Variants in SPEF2 observed in about 807,000 individuals in gnomAD.
SPEF2 encodes the protein sperm flagellar and cilia associated 2, also known as sperm flagella and cilia-associated protein 2.
Under a neutral mutation model 224.6 loss-of-function variants are expected in SPEF2, and 187 were observed. The ratio of observed to expected loss-of-function variants is 0.83; its 90% CI spans 0.74 to 0.94. The LOEUF (loss-of-function observed/expected upper bound fraction) is 0.94, where lower values mean the gene tolerates loss of function less well. SPEF2 is among the 40% of genes least tolerant of loss of function. SPEF2 has a pLI of 0.00. For missense variants in SPEF2, 2,170 were observed against 2,135.6 expected (o/e 1.02, Z -0.32); for synonymous variants, 715 against 707.3 (o/e 1.01, Z -0.17).
chr5:35,720,787 T>C (rs1319177070), intron 20 of SPEF2, among the ~76,000 whole-genome samples: 1 of 152,182 alleles, frequency 6.6e-6, no homozygotes, highest in South Asian at 2.1e-4. Context: ...TACCTAAACC[T>C]GTCAAACAAT....
At chr5:35,712,983 C>A in intron 20 of SPEF2, 97 bp downstream of exon 20, 1 of 1,060,558 alleles carries the variant, frequency 9.4e-7, no homozygotes, top group Non-Finnish European at 1.4e-6. Flanking sequence ...ATACATTGAC[C>A]ACTTCTCTCA....
chr5:35,761,393 C>A (rs1270825654), intron 25 of SPEF2, among the ~76,000 whole-genome samples: 3 of 152,094 alleles, frequency 2.0e-5, no homozygotes, highest in Non-Finnish European at 2.9e-5. Flanking sequence ...GAGATTGAGT[C>A]CCAATAATGC....
chr5:35,707,871 GTCTA>G, intron 18 of SPEF2, among the ~76,000 whole-genome samples: 2 of 152,236 alleles, frequency 1.3e-5, no homozygotes, highest in Middle Eastern at 3.4e-3. Flanking sequence ...CACCCTGGCA[GTCTA>G]TCTAAAACTT....
rs370440105 is a variant in SPEF2 at position 35,657,489 on chromosome 5, C to CG, written c.979-1523dup. Among the ~76,000 whole-genome samples, 1,362 of 151,536 alleles carry CG rather than the reference C, an allele frequency of 9.0e-3. 18 individuals carry two copies. Among genetic ancestry groups the CG allele is most frequent in the African/African-American group, 0.032 (1,320 of 41,246 alleles). ...GGTGTCACTGGGTATGGAATGGAAT[C>CG]GGGGGGGTGGTTTAAAAACATACCT... On this transcript the variant is annotated intron_variant, in intron 7 of 36. Transcript: ENST00000356031.
Position 35,776,279 on chromosome 5 carries a change from T to C in SPEF2, c.4101T>C (p.Leu1367=), listed in dbSNP as rs1380276546. The change falls in exon 29 of 37, where the codon CTT becomes CTC. Residue 1367 remains leucine (L), a synonymous_variant. Coordinates refer to ENST00000356031, the MANE Select transcript of SPEF2 (RefSeq NM_024867.4). ...QFEEIATQFR[L]ELIKTKALAL... ...TAGAAATAGCCACGCAATTTCGACTTGAACTGATAAAGACAAAAGCATTGG... is the reference window on the plus strand; with the variant it reads ...TAGAAATAGCCACGCAATTTCGACTCGAACTGATAAAGACAAAAGCATTGG... The C allele has an allele frequency of 6.2e-7, 1 of 1,609,876 alleles. No homozygotes were observed. Among genetic ancestry groups the C allele is most frequent in the Admixed American group, 1.7e-5 (1 of 58,718 alleles).
intron 30 of SPEF2, among the ~76,000 whole-genome samples, chr5:35,786,318 G>T (rs978438605): frequency 6.6e-6 from 1 of 152,028 alleles, no homozygotes; most frequent in African/African-American, 2.4e-5. Flanking sequence ...ATTTAGAATC[G>T]CAAAAATGGG....
At position 35,805,981 on chromosome 5, in the gene SPEF2, A is replaced by T. The variant is rs116091525; in HGVS notation, c.5011-726A>T. Among the ~76,000 whole-genome samples the T allele has an allele frequency of 9.0e-3, 1,371 of 152,268 alleles. 24 individuals are homozygous for T. The highest frequency in any genetic ancestry group is 0.032 in the African/African-American group (1,323 of 41,534). On this transcript the variant is annotated intron_variant, in intron 34 of 36. Coordinates refer to ENST00000356031, the MANE Select transcript of SPEF2 (RefSeq NM_024867.4). ...ATCTTAGGTTTTCTATTTTTGCTGT[A>T]ACACTGAATGAACAGCCATATACAA...
At chr5:35,692,871 T>C in intron 12 of SPEF2, 147 bp downstream of exon 12, 1 of 664,920 alleles carries the variant, frequency 1.5e-6, no homozygotes, top group Non-Finnish European at 2.3e-6. Context: ...GTCTAGAAAA[T>C]AAATATTTAA....
chr5:35,801,566 C>T (rs533694820), intron 34 of SPEF2, among the ~76,000 whole-genome samples: 3 of 152,162 alleles, frequency 2.0e-5, no homozygotes, highest in South Asian at 2.1e-4. Flanking sequence ...TGTGCATTCA[C>T]GGGCACTGCA....
chr5:35,649,285 A>G, intron 5 of SPEF2, 76 bp from the exon 6 acceptor site: 1 of 1,240,478 alleles, frequency 8.1e-7, no homozygotes, highest in Non-Finnish European at 1.1e-6. Context: ...CACTTTATAA[A>G]CTTGAATGAA....
chr5:35,712,250 AT>A (rs1391680909), intron 19 of SPEF2, among the ~76,000 whole-genome samples: 9 of 151,592 alleles, frequency 5.9e-5, no homozygotes, highest in Admixed American at 4.6e-4. Flanking sequence ...TTATTTTATT[AT>A]TTTATTTATT....
At chr5:35,728,053 A>C (rs1302227009) in intron 21 of SPEF2, among the ~76,000 whole-genome samples, 1 of 152,110 alleles carries the variant, frequency 6.6e-6, no homozygotes. Flanking sequence ...GGGGGGAACA[A>C]ATGGGTTCTG....
At chr5:35,715,827 T>TC (rs1554040276) in intron 20 of SPEF2, among the ~76,000 whole-genome samples, 2,184 of 147,228 alleles carry the variant, frequency 0.015, 55 homozygotes, top group African/African-American at 0.051. Context: ...TTTTTTTTTT[T>TC]TTTTTTGAGA....
intron 10 of SPEF2, among the ~76,000 whole-genome samples, chr5:35,680,975 C>T (rs898859156): frequency 2.6e-5 from 4 of 152,152 alleles, no homozygotes; most frequent in Non-Finnish European, 2.9e-5. Context: ...GACAGTGCAA[C>T]AACTTAAAAT....
intron 1 of SPEF2, among the ~76,000 whole-genome samples, chr5:35,620,400 C>A (rs1292481494): frequency 6.6e-6 from 1 of 152,106 alleles, no homozygotes. Context: ...ACCTAAATTT[C>A]ATCATACTTA....
intron 9 of SPEF2, 52 bp downstream of exon 9, chr5:35,667,311 G>A (rs1328604599): frequency 2.1e-6 from 3 of 1,429,390 alleles, no homozygotes; most frequent in African/African-American, 1.4e-5. Flanking sequence ...AATGAGGAAG[G>A]ATAAGATTGT....
intron 28 of SPEF2, 54 bp from the exon 29 acceptor site, chr5:35,776,203 G>C: frequency 6.5e-7 from 1 of 1,544,918 alleles, no homozygotes; most frequent in Non-Finnish European, 8.7e-7. Flanking sequence ...CTGTTCATTA[G>C]TAAATGCATG....
intron 2 of SPEF2, among the ~76,000 whole-genome samples, chr5:35,640,984 C>A (rs1385946362): frequency 6.6e-6 from 1 of 152,130 alleles, no homozygotes; most frequent in Non-Finnish European, 1.5e-5. Flanking sequence ...GTTATACACG[C>A]TTTGTCTGTA....
intron 23 of SPEF2, among the ~76,000 whole-genome samples, chr5:35,745,013 T>C (rs1450020360): frequency 6.6e-6 from 1 of 152,220 alleles, no homozygotes; most frequent in Admixed American, 6.5e-5. Flanking sequence ...CCTCCTCTCC[T>C]GAACACACCC....
Sources: gnomAD v4.1 joint callset for allele counts (sites outside exome capture counted in the v4.1 genomes callset) on GRCh38, gnomAD v4.1.1 for gene constraint, MANE v1.5 for transcripts, NCBI Gene and HGNC (gene_info 2026-07-23, HGNC 2026-07-21) for gene names.